Variants in UBR3 observed in about 807,000 individuals in gnomAD.
UBR3 encodes the protein ubiquitin protein ligase E3 component n-recognin 3.
A neutral mutation model predicts 243.2 loss-of-function variants in UBR3; 85 were observed. The observed-to-expected ratio is 0.35, with a 90% confidence interval of 0.29 to 0.42. The LOEUF (loss-of-function observed/expected upper bound fraction) is 0.42, where lower values mean the gene tolerates loss of function less well. UBR3 is among the 10% of genes least tolerant of loss of function. The pLI, the probability that UBR3 is intolerant of heterozygous loss-of-function variation, is 1.00. For missense variants in UBR3, 1,686 were observed against 2,300.8 expected (o/e 0.73, Z 5.47); for synonymous variants, 748 against 799.8 (o/e 0.94, Z 1.09).
chr2:169,897,687 G>A lies in UBR3; in HGVS notation c.1465+952G>A, dbSNP rs140487439. On this transcript the variant is annotated intron_variant, in intron 8 of 38. Coordinates refer to ENST00000272793, the MANE Select transcript of UBR3 (RefSeq NM_172070.4). ...GGCTAATTTTTGTATTTTTAGTAGAGATGGGGTTTTGCCATGGTGCCCAGG... is the reference window on the plus strand; with the variant it reads ...GGCTAATTTTTGTATTTTTAGTAGAAATGGGGTTTTGCCATGGTGCCCAGG... Among the ~76,000 whole-genome samples the A allele has an allele frequency of 2.3e-3, 351 of 152,152 alleles. 2 individuals are homozygous for A. Among genetic ancestry groups the A allele is most frequent in the African/African-American group, 8.2e-3 (341 of 41,510 alleles).
chr2:169,881,828 T>C (rs2083852478), intron 5 of UBR3, among the ~76,000 whole-genome samples: 1 of 137,554 alleles, frequency 7.3e-6, no homozygotes, highest in African/African-American at 2.7e-5. Context: ...TAATTATATA[T>C]GTATGTATAC....
At chr2:169,914,513 G>T (rs1178658753) in intron 11 of UBR3, among the ~76,000 whole-genome samples, 1 of 152,172 alleles carries the variant, frequency 6.6e-6, no homozygotes, top group African/African-American at 2.4e-5. Context: ...AATGAAAAGG[G>T]TATCATACAA....
chr2:170,047,867 C>T (rs953367205), intron 32 of UBR3, among the ~76,000 whole-genome samples: 2 of 152,202 alleles, frequency 1.3e-5, no homozygotes, highest in South Asian at 2.1e-4. Flanking sequence ...ATGCTACCCA[C>T]CCATTAGTCA....
chr2:169,949,773 A>G lies in UBR3; in HGVS notation c.3253A>G (p.Ile1085Val). The change falls in exon 23 of 39, where the codon ATT becomes GTT. Residue 1085 changes from isoleucine to valine, a missense_variant. Coordinates refer to ENST00000272793, the MANE Select transcript of UBR3 (RefSeq NM_172070.4). The part of the protein sequence containing the change: ...APQLTTAILE[I>V]KESILSLLIK... Reference sequence around the variant, plus strand: ...ACAGTTAACTACAGCCATTTTGGAAATTAAAGAAAGCATATTGTCTTTGCT... The same window carrying G: ...ACAGTTAACTACAGCCATTTTGGAAGTTAAAGAAAGCATATTGTCTTTGCT... The G allele has an allele frequency of 8.4e-6, 13 of 1,551,686 alleles. No individual in the cohort carries two copies. Among genetic ancestry groups the G allele is most frequent in the Middle Eastern group, 3.3e-4 (2 of 5,992 alleles).
intron 1 of UBR3, among the ~76,000 whole-genome samples, chr2:169,841,924 C>T (rs566456358): frequency 1.1e-3 from 171 of 152,238 alleles, no homozygotes; most frequent in South Asian, 1.2e-3. Flanking sequence ...TGCGAGCGCA[C>T]GGCACAGGAC....
chr2:169,830,866 G>A (rs1389653096), intron 1 of UBR3, among the ~76,000 whole-genome samples: 2 of 151,676 alleles, frequency 1.3e-5, no homozygotes, highest in Non-Finnish European at 2.9e-5. Flanking sequence ...ATTCTTTCCT[G>A]ACTTTTGGAA....
intron 24 of UBR3, among the ~76,000 whole-genome samples, chr2:169,960,532 C>A (rs2087524292): frequency 6.6e-6 from 1 of 151,952 alleles, no homozygotes; most frequent in African/African-American, 2.4e-5. Context: ...ACACTACTTT[C>A]CCTTTCTCTC....
intron 24 of UBR3, among the ~76,000 whole-genome samples, chr2:169,978,590 AGTACTGT>A (rs1244129314): frequency 6.6e-6 from 1 of 152,042 alleles, no homozygotes; most frequent in East Asian, 1.9e-4. Context: ...CTGGGGATGT[AGTACTGT>A]GTAGTGGTTA....
chr2:170,032,709 C>G (rs2090711920), intron 31 of UBR3, among the ~76,000 whole-genome samples: 1 of 149,600 alleles, frequency 6.7e-6, no homozygotes, highest in Admixed American at 6.8e-5. Context: ...GCAGAAATGC[C>G]ACAGACTAAT....
At chr2:170,044,243 A>G (rs931581856) in intron 32 of UBR3, among the ~76,000 whole-genome samples, 24 of 152,334 alleles carry the variant, frequency 1.6e-4, no homozygotes, top group African/African-American at 5.8e-4. Flanking sequence ...GTTTGTTATT[A>G]GAAGAGAAAA....
chr2:170,061,567 A>T (rs2091457957), intron 35 of UBR3, 124 bp downstream of exon 35: 1 of 1,186,400 alleles, frequency 8.4e-7, no homozygotes, highest in African/African-American at 1.5e-5. Context: ...TGCCAGGTTC[A>T]AGCAATCCTC....
intron 35 of UBR3, among the ~76,000 whole-genome samples, chr2:170,070,163 AT>A (rs1350799355): frequency 1.2e-4 from 19 of 152,156 alleles, no homozygotes. Context: ...GCATGACCAA[AT>A]GGGTTTATCC....
chr2:170,047,965 C>G (rs2091128641), intron 32 of UBR3, among the ~76,000 whole-genome samples: 1 of 152,050 alleles, frequency 6.6e-6, no homozygotes, highest in African/African-American at 2.4e-5. Flanking sequence ...AATAATGGCC[C>G]CAAAGCACAA....
rs569472926 is a variant in UBR3, at chr2:169,907,477, G to A, written c.1779+1313G>A. 1.3e-4 allele frequency among the ~76,000 whole-genome samples: 19 copies of A among 151,998 alleles called. No homozygotes were observed. The East Asian group carries it at 1.7e-3, about 14-fold the overall frequency. On this transcript the variant is annotated intron_variant, in intron 10 of 38. Coordinates refer to ENST00000272793, the MANE Select transcript of UBR3 (RefSeq NM_172070.4). ...TGTAAGCAGATACTAAGAATCTTTC[G>A]TTCTAGAAATATTCCTCTCCTGCTT...
chr2:170,076,978 C>G (rs1018968606), intron 36 of UBR3, among the ~76,000 whole-genome samples: 13 of 152,190 alleles, frequency 8.5e-5, no homozygotes, highest in Non-Finnish European at 1.5e-5. Context: ...GATAAGCCAC[C>G]CTTGTGATGT....
At chr2:170,053,257 G>A (rs1342163857) in intron 32 of UBR3, among the ~76,000 whole-genome samples, 2 of 152,262 alleles carry the variant, frequency 1.3e-5, no homozygotes, top group East Asian at 1.9e-4. Flanking sequence ...GGTTTATGCC[G>A]AATGTACCTG....
intron 5 of UBR3, among the ~76,000 whole-genome samples, chr2:169,882,669 G>C (rs1308723470): frequency 6.6e-6 from 1 of 151,482 alleles, no homozygotes; most frequent in Non-Finnish European, 1.5e-5. Context: ...TGAACCTGGA[G>C]GCAGAAGTTG....
chr2:169,954,887 T>C (rs1398957116), intron 23 of UBR3, among the ~76,000 whole-genome samples: 5 of 152,322 alleles, frequency 3.3e-5, no homozygotes, highest in African/African-American at 9.6e-5. Flanking sequence ...ATATTTCTTA[T>C]AGCAGAAAGA....
chr2:169,836,549 T>G (rs989553097), intron 1 of UBR3, among the ~76,000 whole-genome samples: 10 of 151,890 alleles, frequency 6.6e-5, no homozygotes, highest in African/African-American at 2.4e-4. Flanking sequence ...GCTTCATACC[T>G]AGTTGATGAG....
Sources: gnomAD v4.1 joint callset for allele counts (sites outside exome capture counted in the v4.1 genomes callset) on GRCh38, gnomAD v4.1.1 for gene constraint, MANE v1.5 for transcripts, NCBI Gene and HGNC (gene_info 2026-07-23, HGNC 2026-07-21) for gene names.